SIDT1: variants seen among roughly 807,000 people sequenced by gnomAD.
The protein encoded by SIDT1 is SID1 transmembrane family, member 1.
In SIDT1, 101 loss-of-function variants were observed where a neutral mutation model predicts 107.5. The ratio of observed to expected loss-of-function variants is 0.94; its 90% confidence interval spans 0.80 to 1.11. The LOEUF (loss-of-function observed/expected upper bound fraction) is 1.11. SIDT1 is among the 50% of genes least tolerant of loss of function. The probability of loss-of-function intolerance (pLI) is 0.00; values close to 1 mark genes in which losing one functional copy is unlikely to be tolerated. For missense variants in SIDT1, 1,076 were observed against 1,058.2 expected, an observed-to-expected ratio of 1.02 and a Z score of -0.23; for synonymous variants, 395 against 398.2, an observed-to-expected ratio of 0.99 and a Z score of 0.10.
intron 3 of SIDT1, among the ~76,000 whole-genome samples, chr3:113,576,598 A>G (rs1942919594): frequency 6.6e-6 from 1 of 152,244 alleles, no homozygotes; most frequent in Non-Finnish European, 1.5e-5. Context: ...GCTTGATTGT[A>G]AAATCAAGCA....
intron 1 of SIDT1, among the ~76,000 whole-genome samples, chr3:113,537,853 G>A (rs184897382): frequency 6.6e-6 from 1 of 152,306 alleles, no homozygotes; most frequent in Admixed American, 6.5e-5. Context: ...CACGATCTCG[G>A]CTCATTGCAA....
intron 1 of SIDT1, among the ~76,000 whole-genome samples, chr3:113,559,938 A>G (rs771297455): frequency 6.6e-6 from 1 of 152,188 alleles, no homozygotes; most frequent in Non-Finnish European, 1.5e-5. Flanking sequence ...ATAGTAGAAT[A>G]ATAGATGATC....
chr3:113,593,577 T>A (rs995893520), intron 10 of SIDT1, among the ~76,000 whole-genome samples: 3 of 152,226 alleles, frequency 2.0e-5, no homozygotes, highest in Admixed American at 1.3e-4. Context: ...GAGCTCACAC[T>A]AAAAACCTTT....
chr3:113,571,149 C>T (rs1354958314), intron 3 of SIDT1, among the ~76,000 whole-genome samples: 1 of 152,170 alleles, frequency 6.6e-6, no homozygotes, highest in African/African-American at 2.4e-5. Context: ...TAGCAGAGCA[C>T]AGTGGCTCCC....
chr3:113,580,657 T>C lies in SIDT1; in HGVS notation c.611T>C (p.Val204Ala), dbSNP rs1943256694. 2 of 1,613,634 alleles carry C rather than the reference T, an allele frequency of 1.2e-6. No individual in the cohort carries two copies. The highest frequency in any genetic ancestry group is 1.7e-6 in the Non-Finnish European group (2 of 1,179,586). ...GACGTGGACTCAGTTATCATTAAAG[T>C]GGTGTCTGAAATGGCTTATCCATGT... ...PKDVDSVIIK[V>A]VSEMAYPCSV... Residue 204 changes from valine (V) to alanine (A), a missense_variant, in exon 5 of 25, where the codon GTG (valine) becomes GCG (alanine). Coordinates refer to ENST00000264852, the MANE Select transcript of SIDT1 (RefSeq NM_017699.3).
chr3:113,626,967 T>G (rs1349930676), intron 24 of SIDT1, among the ~76,000 whole-genome samples: 2 of 152,164 alleles, frequency 1.3e-5, no homozygotes, highest in Non-Finnish European at 2.9e-5. Context: ...TATCCTCTAG[T>G]GGCCAGTTTG....
In SIDT1 at chr3:113,628,068, A is replaced by T. The variant is rs112274379; in HGVS notation, c.*360A>T. The T allele has an allele frequency of 4.5e-3, 1,038 of 232,650 alleles. 16 individuals carry two copies. The highest frequency in any genetic ancestry group is 0.022 in the African/African-American group (963 of 44,142). The allele number at this position is 232,650 out of a possible 1,614,324, so 14.4% of individuals were successfully genotyped here. Reference sequence around the variant, plus strand: ...CAGCAATGGCAGAATGCTGCTGCACACTTCCCTCCAGTTGTCACCCTGCCC... The same window carrying T: ...CAGCAATGGCAGAATGCTGCTGCACTCTTCCCTCCAGTTGTCACCCTGCCC... On this transcript the variant is annotated 3_prime_UTR_variant, in exon 25 of 25. Coordinates refer to ENST00000264852, the MANE Select transcript of SIDT1 (RefSeq NM_017699.3).
At chr3:113,567,415 C>G (rs1942018357) in intron 2 of SIDT1, 125 bp from the exon 3 acceptor site, 2 of 740,158 alleles carry the variant, frequency 2.7e-6, no homozygotes, top group Non-Finnish European at 4.4e-6. Flanking sequence ...GTCTAAAATT[C>G]AAAACATAAG....
chr3:113,555,696 A>G (rs1024629497), intron 1 of SIDT1, among the ~76,000 whole-genome samples: 2 of 152,198 alleles, frequency 1.3e-5, no homozygotes, highest in South Asian at 4.1e-4. Context: ...AAGTGCTCTG[A>G]GTACAAAATG....
At chr3:113,605,122 C>CTATTTT in intron 14 of SIDT1, 146 bp downstream of exon 14, 18 of 306,936 alleles carry the variant, frequency 5.9e-5, no homozygotes, top group East Asian at 1.0e-4. Flanking sequence ...CTATTGCTTC[C>CTATTTT]TCTTTTTTTT....
At chr3:113,618,083 ATCCC>A (rs1946227087) in intron 20 of SIDT1, among the ~76,000 whole-genome samples, 1 of 151,984 alleles carries the variant, frequency 6.6e-6, no homozygotes, top group Non-Finnish European at 1.5e-5. Flanking sequence ...CGGCCTATTC[ATCCC>A]TCCCTCCCTC....
At position 113,604,932 on chromosome 3, in the gene SIDT1, T is replaced by C. The variant is rs553008496; in HGVS notation, c.1360T>C (p.Phe454Leu). Residue 454 changes from phenylalanine (F) to leucine (L), a missense_variant, in exon 14 of 25, where the codon TTT (phenylalanine) becomes CTT (leucine). By Grantham distance (22) the Phe-to-Leu change is conservative (BLOSUM62 0). Transcript: ENST00000264852. ...YFWNIITIAV[F>L]YALPVIQLVI... ...TAGGAACATCATCACCATTGCTGTG[T>C]TTTACGCGCTGCCCGTGATCCAGCT... The C allele has an allele frequency of 6.2e-7, 1 of 1,614,078 alleles. No homozygotes were observed. Among genetic ancestry groups the C allele is most frequent in the African/African-American group, 1.3e-5 (1 of 75,038 alleles).
At position 113,533,223 on chromosome 3, in the gene SIDT1, T is replaced by C; in HGVS notation, c.202T>C (p.Tyr68His). 1 of 1,497,470 alleles carries C rather than the reference T, an allele frequency of 6.7e-7. No individual in the cohort carries two copies. The highest frequency in any genetic ancestry group is 8.9e-7 in the Non-Finnish European group (1 of 1,119,388). The allele number at this position is 1,497,470 out of a possible 1,614,324, so 92.8% of individuals were successfully genotyped here. A position where few individuals can be genotyped will look rare whatever the true frequency, so the allele number is the denominator to read the frequency against. The change falls in exon 1 of 25, where the codon TAC becomes CAC. Residue 68 changes from tyrosine to histidine, a missense_variant. Tyr to His is a moderately conservative substitution (Grantham distance 83). Coordinates refer to ENST00000264852, the MANE Select transcript of SIDT1 (RefSeq NM_017699.3). ...LSTENIYSFN[Y>H]TSQPDQVTAV... ...CACCGAGAACATCTACTCTTTCAAC[T>C]ACACCAGCCAGCCCGACCAGGTAAG... is the stretch of plus-strand genomic sequence containing the variant.
chr3:113,615,144 C>T lies in SIDT1; in HGVS notation c.1967-956C>T, dbSNP rs1576966661. 4.7e-6 allele frequency: 7 copies of T among 1,489,382 alleles called. No individual in the cohort carries two copies. In the East Asian group the frequency reaches 1.7e-4, roughly 37 times the overall value. 92.3% of individuals were successfully genotyped at this position (1,489,382 alleles called of 1,614,324 possible). A position where few individuals can be genotyped will look rare whatever the true frequency, so the allele number is the denominator to read the frequency against. On this transcript the variant is annotated intron_variant, in intron 19 of 24. Transcript: ENST00000264852. ...GTATCAAAGTGATCCACCTGGCTGT[C>T]CTGGCAGCCCTGCTCCCTGAACAGC... is the stretch of plus-strand genomic sequence containing the variant.
chr3:113,618,934 C>T (rs1408758215), intron 20 of SIDT1, among the ~76,000 whole-genome samples: 3 of 152,158 alleles, frequency 2.0e-5, no homozygotes, highest in South Asian at 2.1e-4. Flanking sequence ...AAAATCTTCT[C>T]GGGCCTCAGC....
intron 21 of SIDT1, among the ~76,000 whole-genome samples, chr3:113,620,904 C>G (rs918587728): frequency 6.6e-6 from 1 of 152,144 alleles, no homozygotes; most frequent in South Asian, 2.1e-4. Flanking sequence ...ATAAGCAAAA[C>G]CACATCCACG....
At chr3:113,588,788 T>C (rs1315762314) in intron 9 of SIDT1, 1 of 150,914 alleles carries the variant, frequency 6.6e-6, no homozygotes, top group East Asian at 2.0e-4. Flanking sequence ...GTATTCGTTA[T>C]CTATTACCAC....
chr3:113,593,383 C>G (rs974194080), intron 10 of SIDT1, among the ~76,000 whole-genome samples: 2 of 152,124 alleles, frequency 1.3e-5, no homozygotes, highest in African/African-American at 4.8e-5. Flanking sequence ...CTCATAGGAC[C>G]GCAAACCCTA....
At chr3:113,605,122 C>CTATT in intron 14 of SIDT1, 146 bp downstream of exon 14, 4 of 306,978 alleles carry the variant, frequency 1.3e-5, no homozygotes, top group Non-Finnish European at 1.1e-5. Flanking sequence ...CTATTGCTTC[C>CTATT]TCTTTTTTTT....
Sources: allele counts gnomAD v4.1 joint callset (sites outside exome capture counted in the v4.1 genomes callset), GRCh38; gene constraint gnomAD v4.1.1; transcripts MANE v1.5; gene names NCBI Gene and HGNC (gene_info 2026-07-23, HGNC 2026-07-21).